Variants in MSRA observed in about 807,000 individuals in gnomAD.
MSRA encodes methionine sulfoxide reductase A, also known as mitochondrial peptide methionine sulfoxide reductase.
Under a neutral mutation model 31.3 loss-of-function variants are expected in MSRA, and 54 were observed. That is an observed-to-expected ratio of 1.73 (90% CI 1.39 to 2.17). MSRA has a LOEUF of 2.17. Among genes scored for constraint, MSRA ranks in the 30% most tolerant of loss-of-function variants. The probability of loss-of-function intolerance (pLI) is 0.00; values close to 1 mark genes in which losing one functional copy is unlikely to be tolerated. For missense variants in MSRA, 507 were observed against 300.9 expected (o/e 1.69, Z -5.07); for synonymous variants, 169 against 116.5 (o/e 1.45, Z -2.90).
chr8:10,118,972 G>C (rs1800895456), intron 1 of MSRA, among the ~76,000 whole-genome samples: 1 of 152,160 alleles, frequency 6.6e-6, no homozygotes. Flanking sequence ...GTCCCCTCCA[G>C]ATGATCTCAG....
At chr8:10,248,171 T>G (rs1797723146) in intron 3 of MSRA, among the ~76,000 whole-genome samples, 1 of 152,246 alleles carries the variant, frequency 6.6e-6, no homozygotes, top group Admixed American at 6.5e-5. Flanking sequence ...TACTAGTCTG[T>G]ACTCTAGTAT....
At chr8:10,082,241 A>T (rs1317720021) in intron 1 of MSRA, among the ~76,000 whole-genome samples, 1 of 152,022 alleles carries the variant, frequency 6.6e-6, no homozygotes, top group East Asian at 1.9e-4. Flanking sequence ...AAACAAAACA[A>T]ACCCTACAAA....
chr8:10,308,594 A>G (rs1801267557), intron 4 of MSRA, among the ~76,000 whole-genome samples: 1 of 152,202 alleles, frequency 6.6e-6, no homozygotes, highest in South Asian at 2.1e-4. Flanking sequence ...CGGACTCTTT[A>G]CAGTGGCCAG....
At chr8:10,131,929 A>G (rs1383963662) in intron 1 of MSRA, among the ~76,000 whole-genome samples, 1 of 152,248 alleles carries the variant, frequency 6.6e-6, no homozygotes, top group East Asian at 1.9e-4. Context: ...CAGTTATACC[A>G]AATGAAAACA....
chr8:10,054,774 C>T, intron 1 of MSRA, 116 bp downstream of exon 1: 4 of 1,212,596 alleles, frequency 3.3e-6, no homozygotes, highest in Non-Finnish European at 4.2e-6. Flanking sequence ...GGGCGGGTCG[C>T]GGGGTGGGGG....
At chr8:10,355,817 G>T (rs747577414) in intron 5 of MSRA, among the ~76,000 whole-genome samples, 12 of 152,160 alleles carry the variant, frequency 7.9e-5, no homozygotes, top group Non-Finnish European at 1.2e-4. Context: ...CAGCCCTCAG[G>T]GGACTGAGGT....
At chr8:10,315,964 C>T (rs1416780698) in intron 4 of MSRA, among the ~76,000 whole-genome samples, 1 of 152,216 alleles carries the variant, frequency 6.6e-6, no homozygotes, top group African/African-American at 2.4e-5. Flanking sequence ...ATCACCACAT[C>T]TTGTCAAAAT....
intron 1 of MSRA, among the ~76,000 whole-genome samples, chr8:10,113,292 C>CTTTTTTTTTTTTTTTTTT (rs10665004): frequency 0.018 from 1,029 of 57,508 alleles, 206 homozygotes; most frequent in Non-Finnish European, 0.019. Context: ...GACAGGTCTT[C>CTTTTTTTTTTTTTTTTTT]TTTTTTTTTT....
At chr8:10,269,129 C>T (rs116836510) in intron 3 of MSRA, among the ~76,000 whole-genome samples, 2,180 of 152,284 alleles carry the variant, frequency 0.014, 61 homozygotes, top group African/African-American at 0.049. Context: ...ATTGTTACCA[C>T]AAAATGCAAT....
At chr8:10,278,006 A>G (rs1207379053) in intron 3 of MSRA, among the ~76,000 whole-genome samples, 1 of 152,054 alleles carries the variant, frequency 6.6e-6, no homozygotes, top group Non-Finnish European at 1.5e-5. Context: ...ACCTCTTTCC[A>G]TTTTTTCCCT....
chr8:10,153,846 A>G (rs574256853), intron 1 of MSRA, among the ~76,000 whole-genome samples: 3 of 152,316 alleles, frequency 2.0e-5, no homozygotes, highest in Non-Finnish European at 4.4e-5. Flanking sequence ...CTTAATTTCA[A>G]TCCTTTTATT....
At chr8:10,343,401 G>T (rs1317108275) in intron 5 of MSRA, among the ~76,000 whole-genome samples, 2 of 152,216 alleles carry the variant, frequency 1.3e-5, no homozygotes, top group African/African-American at 2.4e-5. Context: ...TCATAATGAA[G>T]CGGTGAATAG....
At chr8:10,338,974 G>C (rs1803236788) in intron 5 of MSRA, among the ~76,000 whole-genome samples, 1 of 152,186 alleles carries the variant, frequency 6.6e-6, no homozygotes, top group Non-Finnish European at 1.5e-5. Flanking sequence ...CAAGTGCCAG[G>C]CCAGTTTCCA....
chr8:10,309,212 G>A (rs773533025), intron 4 of MSRA, among the ~76,000 whole-genome samples: 1 of 152,244 alleles, frequency 6.6e-6, no homozygotes, highest in Non-Finnish European at 1.5e-5. Context: ...TCCTCTAGAA[G>A]GTGGGCTTTG....
At chr8:10,079,123 G>A (rs187132165) in intron 1 of MSRA, among the ~76,000 whole-genome samples, 1 of 152,130 alleles carries the variant, frequency 6.6e-6, no homozygotes, top group Admixed American at 6.5e-5. Flanking sequence ...TCAAGAACCA[G>A]GTGAGAGATA....
At chr8:10,235,363 A>G (rs1206057270) in intron 2 of MSRA, among the ~76,000 whole-genome samples, 4 of 152,174 alleles carry the variant, frequency 2.6e-5, no homozygotes, top group African/African-American at 9.6e-5. Flanking sequence ...GAGAATGGCA[A>G]TGAAAGTACT....
At chr8:10,236,442 T>A (rs1811947825) in intron 2 of MSRA, among the ~76,000 whole-genome samples, 1 of 152,220 alleles carries the variant, frequency 6.6e-6, no homozygotes, top group African/African-American at 2.4e-5. Flanking sequence ...AGGGTGTTTT[T>A]ATACACCAGC....
At chr8:10,217,315 C>T (rs766069021) in intron 2 of MSRA, among the ~76,000 whole-genome samples, 1 of 152,244 alleles carries the variant, frequency 6.6e-6, no homozygotes, top group African/African-American at 2.4e-5. Context: ...GTTTGCCACA[C>T]TGCTCTTCTC....
At position 10,087,641 on chromosome 8, in the gene MSRA, T is replaced by C. The variant is rs555065572; in HGVS notation, c.142+32983T>C. Among the ~76,000 whole-genome samples, 330 of 152,266 alleles carry C rather than the reference T, an allele frequency of 2.2e-3. 2 individuals carry two copies. The highest frequency in any genetic ancestry group is 7.6e-3 in the African/African-American group (317 of 41,562). The stretch of plus-strand genomic sequence containing the variant: ...GTGGGCTAGGTAGGTCTGTTCTTGA[T>C]ATGGTTGGGAGAGTGGTTGCCTGTC... On this transcript the variant is annotated intron_variant, in intron 1 of 5. Transcript: ENST00000317173.
Sources: allele counts gnomAD v4.1 joint callset (sites outside exome capture counted in the v4.1 genomes callset), GRCh38; gene constraint gnomAD v4.1.1; transcripts MANE v1.5; gene names NCBI Gene and HGNC (gene_info 2026-07-23, HGNC 2026-07-21).